The following CHD2 variants were observed in gnomAD, a reference collection of about 807,000 sequenced individuals.
CHD2 encodes ATP-dependent chromatin remodeler CHD2.
In CHD2, 28 loss-of-function variants were observed where a neutral mutation model predicts 243.9. The observed-to-expected ratio is 0.11, with a 90% CI of 0.09 to 0.16. The LOEUF (loss-of-function observed/expected upper bound fraction) is 0.16, where lower values mean the gene tolerates loss of function less well. Among genes scored for constraint, CHD2 ranks in the 10% least tolerant of loss-of-function variants. The pLI is 1.00. For missense variants in CHD2, 1,386 were observed against 2,209.8 expected (o/e 0.63, Z 7.47); for synonymous variants, 775 against 779.0 (o/e 0.99, Z 0.09).
chr15:93,021,684 T>C (rs2054536325), intron 38 of CHD2: 1 of 152,240 alleles, frequency 6.6e-6, no homozygotes, highest in South Asian at 2.1e-4. Context: ...ACATTGTAGT[T>C]CTAAAAGTTC....
intron 9 of CHD2, 109 bp from the exon 10 acceptor site, chr15:92,944,306 G>T (rs1453598689): frequency 1.8e-6 from 1 of 555,986 alleles, no homozygotes; most frequent in Admixed American, 2.8e-5. Context: ...TTAAGGGGCA[G>T]ATGGGAGTAA....
At chr15:92,928,772 T>G (rs1054165425) in intron 4 of CHD2, among the ~76,000 whole-genome samples, 7 of 152,232 alleles carry the variant, frequency 4.6e-5, no homozygotes, top group Non-Finnish European at 1.0e-4. Flanking sequence ...AGAAAGTTAT[T>G]GGATATTGCT....
At chr15:92,981,599 TGTGA>T (rs1212487443) in intron 24 of CHD2, 142 bp downstream of exon 24, 1 of 632,474 alleles carries the variant, frequency 1.6e-6, no homozygotes, top group Non-Finnish European at 2.7e-6. Flanking sequence ...TTCTCTGAAT[TGTGA>T]GTATGTTGTG....
At chr15:92,923,057 C>G (rs1297611688) in intron 2 of CHD2, among the ~76,000 whole-genome samples, 1 of 152,122 alleles carries the variant, frequency 6.6e-6, no homozygotes, top group Admixed American at 6.6e-5. Flanking sequence ...TCAGAGTGCC[C>G]TTTTTGTTTA....
chr15:93,007,434 T>C (rs1451311990), intron 34 of CHD2, among the ~76,000 whole-genome samples: 3 of 152,264 alleles, frequency 2.0e-5, no homozygotes, highest in Non-Finnish European at 4.4e-5. Context: ...TTATTTTTTA[T>C]AGTCATTACA....
chr15:92,959,119 G>A (rs2053653439), intron 16 of CHD2, among the ~76,000 whole-genome samples: 2 of 152,282 alleles, frequency 1.3e-5, no homozygotes, highest in South Asian at 4.1e-4. Flanking sequence ...GGATTTCTTT[G>A]TATGGATTGT....
intron 34 of CHD2, among the ~76,000 whole-genome samples, chr15:93,007,956 CTCAGT>C (rs2054342612): frequency 6.6e-6 from 1 of 152,192 alleles, no homozygotes; most frequent in Admixed American, 6.5e-5. Flanking sequence ...TTTGCTGACC[CTCAGT>C]TGTCAGCTCA....
At chr15:92,918,008 C>G (rs147298022) in intron 2 of CHD2, among the ~76,000 whole-genome samples, 11 of 152,326 alleles carry the variant, frequency 7.2e-5, no homozygotes, top group African/African-American at 2.6e-4. Context: ...GCTCTGCCAA[C>G]CAGTTCGGCC....
intron 2 of CHD2, among the ~76,000 whole-genome samples, chr15:92,906,125 C>G (rs988368645): frequency 3.3e-5 from 5 of 152,148 alleles, no homozygotes; most frequent in Admixed American, 1.3e-4. Context: ...GACAATCTTG[C>G]AGCCAATTAA....
intron 2 of CHD2, chr15:92,904,344 C>A (rs1395461055): frequency 3.1e-6 from 2 of 653,540 alleles, no homozygotes; most frequent in Non-Finnish European, 3.8e-6. Flanking sequence ...CTGGTAACAG[C>A]AGGGTCAACG....
intron 6 of CHD2, 101 bp from the exon 7 acceptor site, chr15:92,939,477 A>T (rs2053322369): frequency 8.1e-7 from 1 of 1,235,852 alleles, no homozygotes; most frequent in Non-Finnish European, 1.1e-6. Context: ...GAAATGTTAC[A>T]TTCTGATGTA....
At chr15:92,960,838 C>G (rs2053678415) in intron 16 of CHD2, among the ~76,000 whole-genome samples, 1 of 150,960 alleles carries the variant, frequency 6.6e-6, no homozygotes, top group Non-Finnish European at 1.5e-5. Flanking sequence ...CCTCAGCCTT[C>G]CAGGTAGCTG....
Position 92,979,083 on chromosome 15 carries a change from G to A in CHD2, c.2728-52G>A, listed in dbSNP as rs1010368845. 22 of 1,577,862 alleles carry A rather than the reference G, an allele frequency of 1.4e-5. No homozygotes were observed. The African/African-American group carries it at 2.3e-4, about 17-fold the overall frequency. ...GAGCTAATCCTTCTCTCTTTTTTTGGGGGGGTTGGGGGGTGGTTCAGGCAT... is the reference window on the plus strand; with the variant it reads ...GAGCTAATCCTTCTCTCTTTTTTTGAGGGGGTTGGGGGGTGGTTCAGGCAT... On this transcript the variant is annotated intron_variant, in intron 21 of 38. Transcript: ENST00000394196.
At chr15:92,904,087 T>A (rs1055733258) in intron 2 of CHD2, among the ~76,000 whole-genome samples, 13 of 152,200 alleles carry the variant, frequency 8.5e-5, no homozygotes, top group Non-Finnish European at 1.6e-4. Context: ...TCCTTCCCCC[T>A]CTCTGCTCTT....
rs74029222 is a variant in CHD2 at position 93,024,321 on chromosome 15, G to C, written c.5154-51G>C. ...GCCAAGTGGGTAGTGAAGAGAAGTG[G>C]ATGGGAATCTGGCTTCAGTCTTTCG... On this transcript the variant is annotated intron_variant, in intron 38 of 38. Transcript: ENST00000394196. 1.2e-5 allele frequency: 18 copies of C among 1,533,328 alleles called. No individual in the cohort carries two copies. In the African/African-American group the frequency reaches 2.2e-4, roughly 19 times the overall value. 95.0% of individuals were successfully genotyped at this position (1,533,328 alleles called of 1,614,324 possible).
intron 6 of CHD2, among the ~76,000 whole-genome samples, chr15:92,939,076 T>A (rs796652761): frequency 6.6e-6 from 1 of 152,208 alleles, no homozygotes; most frequent in African/African-American, 2.4e-5. Flanking sequence ...TACATGGTAC[T>A]GTTTAGTTTC....
At chr15:92,999,585 A>G (rs2054228422) in intron 31 of CHD2, among the ~76,000 whole-genome samples, 2 of 152,192 alleles carry the variant, frequency 1.3e-5, no homozygotes, top group African/African-American at 4.8e-5. Flanking sequence ...TATGTCATTT[A>G]TATTGATTTC....
At chr15:93,012,507 A>G in intron 36 of CHD2, 63 bp downstream of exon 36, 1 of 1,273,400 alleles carries the variant, frequency 7.9e-7, no homozygotes, top group Non-Finnish European at 1.1e-6. Context: ...AAAATCTCTT[A>G]ATTTTTGTTT....
chr15:92,939,656 G>GGATGAT lies in CHD2; in HGVS notation c.639_644dup (p.Asp214_Asp215dup). 2 of 1,614,052 alleles carry GGATGAT rather than the reference G, an allele frequency of 1.2e-6. No homozygotes were observed. Among genetic ancestry groups the GGATGAT allele is most frequent in the Non-Finnish European group, 1.7e-6 (2 of 1,179,974 alleles). On this transcript the variant is annotated inframe_insertion, in exon 7 of 39. Coordinates refer to ENST00000394196, the MANE Select transcript of CHD2 (RefSeq NM_001271.4). ...GAAAAAAGCAAGATTCTTCTGATGA[G>GGATGAT]GATGATGATGATGACGAAGCTCCCA...
Sources: gnomAD v4.1 joint callset for allele counts (sites outside exome capture counted in the v4.1 genomes callset) on GRCh38, gnomAD v4.1.1 for gene constraint, MANE v1.5 for transcripts, NCBI Gene and HGNC (gene_info 2026-07-23, HGNC 2026-07-21) for gene names.